The following TRHDE variants were observed in gnomAD, a reference collection of about 807,000 sequenced individuals.
The protein encoded by TRHDE is thyrotropin releasing hormone degrading enzyme.
In TRHDE, 72 loss-of-function variants were observed where a neutral mutation model predicts 125.7. The ratio of observed to expected loss-of-function variants is 0.57; its 90% CI spans 0.47 to 0.70. TRHDE has a LOEUF of 0.70. TRHDE is among the 30% of genes least tolerant of loss of function. The pLI is 0.00. For missense variants in TRHDE, 1,110 were observed against 1,327.1 expected (o/e 0.84, Z 2.54); for synonymous variants, 509 against 509.1 (o/e 1.00, Z 0.00).
intron 12 of TRHDE, among the ~76,000 whole-genome samples, chr12:72,580,829 C>T (rs1419453631): frequency 2.0e-5 from 3 of 152,176 alleles, no homozygotes; most frequent in Non-Finnish European, 4.4e-5. Flanking sequence ...TTCTTATTTT[C>T]AGTGAACTCA....
intron 3 of TRHDE, among the ~76,000 whole-genome samples, chr12:72,378,463 A>C (rs541575786): frequency 6.6e-6 from 1 of 152,292 alleles, no homozygotes; most frequent in African/African-American, 2.4e-5. Context: ...TACAACTAGA[A>C]CATTTTCCAC....
intron 17 of TRHDE, among the ~76,000 whole-genome samples, chr12:72,655,233 C>T (rs992251559): frequency 6.6e-5 from 10 of 152,072 alleles, no homozygotes; most frequent in South Asian, 2.1e-4. Flanking sequence ...CCACCACACC[C>T]GGCTAATTTT....
chr12:72,329,386 A>C (rs546250000), intron 2 of TRHDE, among the ~76,000 whole-genome samples: 1 of 152,348 alleles, frequency 6.6e-6, no homozygotes, highest in Non-Finnish European at 1.5e-5. Context: ...TGGAAACACG[A>C]ATCAGGTATA....
At chr12:72,447,210 A>T (rs1468846809) in intron 3 of TRHDE, among the ~76,000 whole-genome samples, 1 of 152,066 alleles carries the variant, frequency 6.6e-6, no homozygotes, top group Non-Finnish European at 1.5e-5. Context: ...GGATTAAGAA[A>T]CTCACTCAAA....
At chr12:72,650,645 A>C (rs1874469610) in intron 15 of TRHDE, among the ~76,000 whole-genome samples, 1 of 152,086 alleles carries the variant, frequency 6.6e-6, no homozygotes, top group African/African-American at 2.4e-5. Flanking sequence ...AATATTAAGG[A>C]AATGTACATT....
intron 2 of TRHDE, among the ~76,000 whole-genome samples, chr12:72,187,912 A>T (rs1195325515): frequency 6.6e-6 from 1 of 152,242 alleles, no homozygotes; most frequent in East Asian, 1.9e-4. Context: ...GTTGTCTTTA[A>T]GTTTAAACAA....
chr12:72,308,786 T>C (rs1013185629), intron 2 of TRHDE, among the ~76,000 whole-genome samples: 10 of 152,224 alleles, frequency 6.6e-5, no homozygotes, highest in Non-Finnish European at 1.5e-4. Context: ...TAAGTGATCA[T>C]GGTATGATAT....
intron 2 of TRHDE, among the ~76,000 whole-genome samples, chr12:72,213,365 A>G (rs1877823301): frequency 6.6e-6 from 1 of 152,158 alleles, no homozygotes; most frequent in Admixed American, 6.5e-5. Context: ...ATATCAATAA[A>G]GCTGTTAAAA....
intron 15 of TRHDE, among the ~76,000 whole-genome samples, chr12:72,651,778 T>A (rs767791535): frequency 1.3e-5 from 2 of 152,026 alleles, no homozygotes; most frequent in Non-Finnish European, 1.5e-5. Flanking sequence ...AAAATAACTT[T>A]CTACTTATAT....
intron 12 of TRHDE, among the ~76,000 whole-genome samples, chr12:72,604,429 GCTT>G (rs1298660447): frequency 1.5e-5 from 2 of 133,224 alleles, no homozygotes; most frequent in Non-Finnish European, 3.1e-5. Context: ...TTAGGTTTCT[GCTT>G]CTTAATATTA....
At chr12:72,597,024 G>T (rs1316660138) in intron 12 of TRHDE, among the ~76,000 whole-genome samples, 3 of 152,106 alleles carry the variant, frequency 2.0e-5, no homozygotes, top group Non-Finnish European at 4.4e-5. Context: ...AGAGTGATCT[G>T]CAAAAATAGA....
intron 6 of TRHDE, among the ~76,000 whole-genome samples, chr12:72,518,207 T>A (rs1592506172): frequency 6.7e-6 from 1 of 149,880 alleles, no homozygotes; most frequent in East Asian, 2.0e-4. Flanking sequence ...CCTTGTTGAC[T>A]TTCTGTCTCA....
In TRHDE at chr12:72,286,974, T is replaced by A. The variant is rs200828631; in HGVS notation, c.1188+20T>A. ...GTTGTAGTAAGTATTTTCAGCTTAA[T>A]GATGTTTTTGGATAATGTACACTCT... On this transcript the variant is annotated intron_variant, in intron 2 of 18. Transcript: ENST00000261180. The A allele has an allele frequency of 1.4e-5, 23 of 1,609,292 alleles. No homozygotes were observed. In the East Asian group the frequency reaches 4.7e-4, roughly 33 times the overall value.
At chr12:72,218,771 C>T (rs190095580) in intron 2 of TRHDE, among the ~76,000 whole-genome samples, 18 of 152,250 alleles carry the variant, frequency 1.2e-4, no homozygotes, top group Admixed American at 8.5e-4. Flanking sequence ...TTCTCCCTCT[C>T]CCTTCTTCTT....
At chr12:72,400,591 C>T (rs1236492664) in intron 3 of TRHDE, among the ~76,000 whole-genome samples, 1 of 152,114 alleles carries the variant, frequency 6.6e-6, no homozygotes, top group Non-Finnish European at 1.5e-5. Context: ...GGCAGAAATA[C>T]CTTTCAAGCT....
chr12:72,369,923 T>C (rs370611234), intron 2 of TRHDE, among the ~76,000 whole-genome samples: 71 of 152,224 alleles, frequency 4.7e-4, no homozygotes, highest in Non-Finnish European at 6.8e-4. Flanking sequence ...GTAATAACTA[T>C]GTTTATGAAG....
At chr12:72,627,059 A>G (rs542768664) in intron 15 of TRHDE, among the ~76,000 whole-genome samples, 2 of 152,076 alleles carry the variant, frequency 1.3e-5, no homozygotes, top group South Asian at 4.1e-4. Flanking sequence ...TACAGCAAGG[A>G]GTTTGTATGG....
At chr12:72,655,788 G>A (rs776027874) in intron 17 of TRHDE, among the ~76,000 whole-genome samples, 1 of 152,070 alleles carries the variant, frequency 6.6e-6, no homozygotes, top group Non-Finnish European at 1.5e-5. Context: ...GGACAATTTT[G>A]TACCCACATA....
intron 1 of TRHDE, among the ~76,000 whole-genome samples, chr12:72,102,101 C>A (rs1248418140): frequency 6.6e-6 from 1 of 152,134 alleles, no homozygotes; most frequent in African/African-American, 2.4e-5. Flanking sequence ...AAAATGAACA[C>A]AATTGGGAGT....
Sources: gnomAD v4.1 joint callset for allele counts (sites outside exome capture counted in the v4.1 genomes callset) on GRCh38, gnomAD v4.1.1 for gene constraint, MANE v1.5 for transcripts, NCBI Gene and HGNC (gene_info 2026-07-23, HGNC 2026-07-21) for gene names.